The following LIN7A variants were observed in gnomAD, a reference collection of about 807,000 sequenced individuals.
The protein encoded by LIN7A is protein lin-7 homolog A.
A neutral mutation model predicts 29.8 loss-of-function variants in LIN7A; 25 were observed. The observed-to-expected ratio is 0.84, with a 90% CI of 0.61 to 1.17. LIN7A has a LOEUF of 1.17. LIN7A is among the 50% of genes most tolerant of loss of function. The pLI, the probability that LIN7A is intolerant of heterozygous loss-of-function variation, is 0.00. For missense variants in LIN7A, 239 were observed against 287.0 expected (o/e 0.83, Z 1.21); for synonymous variants, 118 against 107.5 (o/e 1.10, Z -0.60).
At chr12:80,844,873 G>A (rs540845551) in intron 4 of LIN7A, among the ~76,000 whole-genome samples, 2 of 152,120 alleles carry the variant, frequency 1.3e-5, no homozygotes, top group African/African-American at 4.8e-5. Context: ...TTATGAATAG[G>A]TAATTTAATC....
At chr12:80,905,996 G>A (rs945984006) in intron 1 of LIN7A, among the ~76,000 whole-genome samples, 2 of 152,046 alleles carry the variant, frequency 1.3e-5, no homozygotes, top group Admixed American at 6.5e-5. Context: ...CTTTCATAAA[G>A]ATGGGAAGTC....
At chr12:80,798,324 A>AT (rs1290101243) in intron 5 of LIN7A, among the ~76,000 whole-genome samples, 8 of 152,182 alleles carry the variant, frequency 5.3e-5, no homozygotes, top group Non-Finnish European at 1.0e-4. Context: ...GAGAACAGTG[A>AT]TTTTTACATC....
intron 2 of LIN7A, among the ~76,000 whole-genome samples, chr12:80,863,896 T>C (rs1157675620): frequency 7.7e-6 from 1 of 129,654 alleles, no homozygotes; most frequent in African/African-American, 3.7e-5. Context: ...AAAGGCTTGT[T>C]TGTTTGTTTT....
rs566779772 is a variant in LIN7A, at chr12:80,839,481, G to A, written c.483+6249C>T. On this transcript the variant is annotated intron_variant, in intron 4 of 5. Transcript: ENST00000552864. ...ATATAGAGAGCTTTGACTATATACA[G>A]GGACTGTTCTAAGAATTGGGATAAG... is the stretch of plus-strand genomic sequence containing the variant. 1.1e-4 allele frequency among the ~76,000 whole-genome samples: 16 copies of A among 152,298 alleles called. No individual in the cohort carries two copies. In the East Asian group the frequency reaches 3.1e-3, roughly 29 times the overall value.
At chr12:80,851,192 T>C (rs908440945) in intron 2 of LIN7A, among the ~76,000 whole-genome samples, 1 of 152,174 alleles carries the variant, frequency 6.6e-6, no homozygotes, top group African/African-American at 2.4e-5. Flanking sequence ...GGAATCTAGG[T>C]TTTATACAGT....
rs184102443 is a variant in LIN7A at position 80,868,473 on chromosome 12, C to T, written c.202-20151G>A. On this transcript the variant is annotated intron_variant, in intron 2 of 5. Coordinates refer to ENST00000552864, the MANE Select transcript of LIN7A (RefSeq NM_004664.4). ...GTCCCAGCTACTTGGGAGGCTGAGTCGGGAGACTTGTTTGAACCTGGGAGG... is the reference window on the plus strand; with the variant it reads ...GTCCCAGCTACTTGGGAGGCTGAGTTGGGAGACTTGTTTGAACCTGGGAGG... Among the ~76,000 whole-genome samples, 167 of 152,250 alleles carry T rather than the reference C, an allele frequency of 1.1e-3. No individual in the cohort carries two copies. The South Asian group carries it at 0.013, about 12-fold the overall frequency.
At chr12:80,828,151 GC>G (rs933047842) in intron 4 of LIN7A, among the ~76,000 whole-genome samples, 6 of 152,046 alleles carry the variant, frequency 3.9e-5, no homozygotes, top group African/African-American at 1.4e-4. Flanking sequence ...ATTGATATAG[GC>G]TTTTTGAGTC....
At chr12:80,863,406 T>G (rs955770924) in intron 2 of LIN7A, among the ~76,000 whole-genome samples, 1 of 152,214 alleles carries the variant, frequency 6.6e-6, no homozygotes, top group African/African-American at 2.4e-5. Flanking sequence ...ACAGTCAATG[T>G]GTCGGCTTAA....
intron 2 of LIN7A, among the ~76,000 whole-genome samples, chr12:80,866,035 T>C (rs1173433446): frequency 2.6e-5 from 4 of 152,158 alleles, no homozygotes. Context: ...TGTGCATGTG[T>C]TGTGTGCAGG....
chr12:80,927,196 C>T (rs1243550431), intron 1 of LIN7A, among the ~76,000 whole-genome samples: 1 of 120,260 alleles, frequency 8.3e-6, no homozygotes, highest in Non-Finnish European at 1.6e-5. Flanking sequence ...GAGTCTCGCT[C>T]CGTCGCCCAG....
chr12:80,803,842 G>T, intron 5 of LIN7A, among the ~76,000 whole-genome samples: 1 of 152,228 alleles, frequency 6.6e-6, no homozygotes, highest in Middle Eastern at 3.4e-3. Context: ...AAAGGTAATC[G>T]ATAAGGGTGA....
rs1432203649 is a variant in LIN7A at position 80,792,625 on chromosome 12, G to A, written c.*5102C>T. The A allele has an allele frequency of 6.6e-6, 1 of 152,112 alleles. No homozygotes were observed. The highest frequency in any genetic ancestry group is 1.5e-5 in the Non-Finnish European group (1 of 68,008). 9.4% of individuals were successfully genotyped at this position (152,112 alleles called of 1,614,324 possible). The stretch of plus-strand genomic sequence containing the variant: ...TTCAGAAAAATAATGAAAACAATTG[G>A]AAAGACATGATGTACATGCAAATGG... On this transcript the variant is annotated 3_prime_UTR_variant, in exon 6 of 6. Transcript: ENST00000552864.
chr12:80,888,572 T>C (rs1875456358), intron 2 of LIN7A, among the ~76,000 whole-genome samples: 1 of 152,160 alleles, frequency 6.6e-6, no homozygotes, highest in African/African-American at 2.4e-5. Context: ...ACTAATGAAT[T>C]ATTACCTGGT....
At chr12:80,874,639 T>C (rs879510952) in intron 2 of LIN7A, among the ~76,000 whole-genome samples, 2 of 152,190 alleles carry the variant, frequency 1.3e-5, no homozygotes, top group Non-Finnish European at 2.9e-5. Flanking sequence ...ATTGTGGAGA[T>C]GGGAATCATG....
intron 4 of LIN7A, among the ~76,000 whole-genome samples, chr12:80,831,340 G>A (rs1872339500): frequency 6.6e-6 from 1 of 152,176 alleles, no homozygotes; most frequent in Admixed American, 6.5e-5. Context: ...GCAGATGAAT[G>A]TGCTTGGATC....
chr12:80,880,031 T>G (rs1407950443), intron 2 of LIN7A, among the ~76,000 whole-genome samples: 1 of 152,232 alleles, frequency 6.6e-6, no homozygotes, highest in Non-Finnish European at 1.5e-5. Context: ...GAAATAACCT[T>G]TAAAAGAGTT....
chr12:80,857,614 T>A (rs747335842), intron 2 of LIN7A, among the ~76,000 whole-genome samples: 1 of 152,180 alleles, frequency 6.6e-6, no homozygotes, highest in Non-Finnish European at 1.5e-5. Flanking sequence ...ACTGCAGATA[T>A]AGAAAAGTCA....
At chr12:80,838,982 C>T (rs1358700054) in intron 4 of LIN7A, among the ~76,000 whole-genome samples, 3 of 152,222 alleles carry the variant, frequency 2.0e-5, no homozygotes, top group Non-Finnish European at 4.4e-5. Context: ...ACTCTTCACA[C>T]ATCTGCAGTG....
rs893444043 is a variant in LIN7A, at chr12:80,874,857, GC to G, written c.201+14393del. On this transcript the variant is annotated intron_variant, in intron 2 of 5. Transcript: ENST00000552864. ...AAATTAGCCGGGCATTGTGGCGGGC[GC>G]CTGTAGTCCCAGAGGCTGAGGGAGC... Among the ~76,000 whole-genome samples, 42 of 152,094 alleles carry G rather than the reference GC, an allele frequency of 2.8e-4. 2 individuals are homozygous for G. The highest frequency in any genetic ancestry group is 2.4e-3 in the Admixed American group (37 of 15,284).
Sources: gnomAD v4.1 joint callset for allele counts (sites outside exome capture counted in the v4.1 genomes callset) on GRCh38, gnomAD v4.1.1 for gene constraint, MANE v1.5 for transcripts, NCBI Gene and HGNC (gene_info 2026-07-23, HGNC 2026-07-21) for gene names.